PFKP: variants seen among roughly 807,000 people sequenced by gnomAD.
The protein encoded by PFKP is phosphofructokinase, platelet, also known as ATP-dependent 6-phosphofructokinase, platelet type.
Under a neutral mutation model 94.3 loss-of-function variants are expected in PFKP, and 101 were observed. That is an observed-to-expected ratio of 1.07 (90% CI 0.91 to 1.26). The LOEUF is 1.26. Among genes scored for constraint, PFKP ranks in the 50% most tolerant of loss-of-function variants. PFKP has a pLI of 0.00. For synonymous variants in PFKP, 573 were observed against 432.6 expected, an observed-to-expected ratio of 1.32 and a Z score of -4.03; for missense variants, 1,145 against 1,103.3, an observed-to-expected ratio of 1.04 and a Z score of -0.53.
At chr10:3,124,390 C>G (rs1006764066) in intron 16 of PFKP, among the ~76,000 whole-genome samples, 2 of 152,188 alleles carry the variant, frequency 1.3e-5, no homozygotes, top group Admixed American at 6.5e-5. Context: ...TCTGAAAAAC[C>G]CCGGTGTACA....
Position 3,136,431 on chromosome 10 carries a change from T to C in PFKP, c.2226-19T>C, listed in dbSNP as rs1564366781. ...CCAGTGACTGCAGGCCTCACTGCTG[T>C]CTCCTCTTACCTCCACAGGCACAGG... On this transcript the variant is annotated intron_variant, in intron 21 of 21. Transcript: ENST00000381125. 6.2e-7 allele frequency: 1 copy of C among 1,613,100 alleles called. No homozygotes were observed. The highest frequency in any genetic ancestry group is 2.2e-5 in the East Asian group (1 of 44,834).
At chr10:3,108,054 C>T (rs1255213563) in intron 8 of PFKP, 9 of 1,262,422 alleles carry the variant, frequency 7.1e-6, no homozygotes, top group Non-Finnish European at 9.3e-6. Context: ...GTGATGGACA[C>T]CTGGGAAAGA....
rs78014565 is a variant in PFKP, at chr10:3,122,530, A to G, written c.1683+2486A>G. Among the ~76,000 whole-genome samples, 744 of 152,326 alleles carry G rather than the reference A, an allele frequency of 4.9e-3. 35 individuals are homozygous for G. The East Asian group carries it at 0.12, about 24-fold the overall frequency. ...CTGAACTGGGCTCGTCTGGCCATAG[A>G]AGAACATGAGCTGGTGGCGTCCTCA... On this transcript the variant is annotated intron_variant, in intron 16 of 21. Transcript: ENST00000381125.
intron 13 of PFKP, among the ~76,000 whole-genome samples, chr10:3,115,415 T>TCCTGCA (rs1564327374): frequency 1.3e-5 from 1 of 77,382 alleles, no homozygotes; most frequent in Non-Finnish European, 3.4e-5. Context: ...TGAAGGTGTG[T>TCCTGCA]GTCCCGCCAT....
intron 1 of PFKP, among the ~76,000 whole-genome samples, chr10:3,080,035 G>A (rs572609778): frequency 2.0e-5 from 3 of 152,234 alleles, no homozygotes; most frequent in South Asian, 2.1e-4. Context: ...GAGCCGAGGA[G>A]GAGTTGGAGG....
At chr10:3,069,021 G>A (rs1329325563) in intron 1 of PFKP, among the ~76,000 whole-genome samples, 1 of 150,656 alleles carries the variant, frequency 6.6e-6, no homozygotes, top group Non-Finnish European at 1.5e-5. Context: ...GAGGCGCTGT[G>A]GGCGCCGCCC....
rs869281524 is a variant in PFKP, at chr10:3,080,516, C to CAAAAAA, written c.113-1853_113-1848dup. 3.1e-3 allele frequency among the ~76,000 whole-genome samples: 215 copies of CAAAAAA among 68,672 alleles called. 4 individuals carry two copies. The highest frequency in any genetic ancestry group is 0.013 in the African/African-American group (198 of 15,668). 45.1% of individuals were successfully genotyped at this position (68,672 alleles called of 152,430 possible). A position where few individuals can be genotyped will look rare whatever the true frequency, so the allele number is the denominator to read the frequency against. ...TGGGAGACAGAGCGAGACTCCGTCT[C>CAAAAAA]AAAAAAAAAAAAAAAAAAAAAAAAG... On this transcript the variant is annotated intron_variant, in intron 1 of 21. Coordinates refer to ENST00000381125, the MANE Select transcript of PFKP (RefSeq NM_002627.5).
In PFKP at chr10:3,099,404, G is replaced by A. The variant is rs757170120; in HGVS notation, c.264+52G>A. The A allele has an allele frequency of 1.0e-4, 142 of 1,391,036 alleles. No homozygotes were observed. The South Asian group carries it at 1.6e-3, about 15-fold the overall frequency. The allele number at this position is 1,391,036 out of a possible 1,614,324, so 86.2% of individuals were successfully genotyped here. A position where few individuals can be genotyped will look rare whatever the true frequency, so the allele number is the denominator to read the frequency against. On this transcript the variant is annotated intron_variant, in intron 3 of 21. Transcript: ENST00000381125. ...TTCTCTGAGTTAGAGACTCTTTTAT[G>A]TCTAGTAAATTCCCAGAACACTTGA...
chr10:3,091,591 G>A (rs996842891), intron 2 of PFKP, among the ~76,000 whole-genome samples: 1 of 152,138 alleles, frequency 6.6e-6, no homozygotes, highest in Non-Finnish European at 1.5e-5. Context: ...GAGGCGGATG[G>A]ATCCTTTGAG....
intron 5 of PFKP, 114 bp downstream of exon 5, chr10:3,104,058 C>G: frequency 1.1e-6 from 1 of 906,758 alleles, no homozygotes; most frequent in African/African-American, 1.7e-5. Context: ...GTGCTGGTCT[C>G]GTAACTTGAC....
intron 3 of PFKP, chr10:3,100,861 GCAAAAAA>G: frequency 3.2e-6 from 1 of 317,378 alleles, no homozygotes. Context: ...AGTATGTGGT[GCAAAAAA>G]AAAAAAAAAA....
Position 3,085,908 on chromosome 10 carries a change from G to A in PFKP, c.186+3447G>A, listed in dbSNP as rs370195504. On this transcript the variant is annotated intron_variant, in intron 2 of 21. Transcript: ENST00000381125. Reference sequence around the variant, plus strand: ...GAAGTGGCGGTCACCTGCACCTGACGAAGACCAGCTTAGTTTCCGCTGCTG... The same window carrying A: ...GAAGTGGCGGTCACCTGCACCTGACAAAGACCAGCTTAGTTTCCGCTGCTG... Among the ~76,000 whole-genome samples the A allele has an allele frequency of 3.2e-5, 4 of 124,568 alleles. No individual in the cohort carries two copies. The East Asian group carries it at 7.5e-4, about 23-fold the overall frequency. The allele number at this position is 124,568 out of a possible 152,430, so 81.7% of individuals were successfully genotyped here.
chr10:3,099,882 G>T (rs961348391), intron 3 of PFKP, among the ~76,000 whole-genome samples: 1 of 151,620 alleles, frequency 6.6e-6, no homozygotes, highest in Non-Finnish European at 1.5e-5. Flanking sequence ...GTGAATCTCG[G>T]TGTGTGTGTA....
chr10:3,106,061 G>A (rs1422802445), intron 7 of PFKP, among the ~76,000 whole-genome samples: 1 of 152,198 alleles, frequency 6.6e-6, no homozygotes, highest in African/African-American at 2.4e-5. Context: ...GTCCGCTCAC[G>A]CCGTTTTCTC....
chr10:3,084,679 C>T (rs10903956), intron 2 of PFKP, among the ~76,000 whole-genome samples: 67,366 of 140,640 alleles, frequency 0.48, 16,234 homozygotes, highest in Middle Eastern at 0.66. Context: ...GCACAGTAGA[C>T]GCGGTCTCCA....
intron 1 of PFKP, among the ~76,000 whole-genome samples, chr10:3,076,384 C>T (rs1420186811): frequency 6.6e-6 from 1 of 152,012 alleles, no homozygotes; most frequent in Non-Finnish European, 1.5e-5. Context: ...GCCGCCGCGC[C>T]CCCGCCCCAG....
intron 18 of PFKP, among the ~76,000 whole-genome samples, chr10:3,132,645 G>A (rs917352435): frequency 1.3e-5 from 2 of 152,180 alleles, no homozygotes; most frequent in African/African-American, 4.8e-5. Context: ...TTGCTTTATA[G>A]TCTCTTATTC....
rs1012660954 is a variant in PFKP, at chr10:3,125,025, C to T, written c.1684-4794C>T. 3 of 1,123,216 alleles carry T rather than the reference C, an allele frequency of 2.7e-6. No homozygotes were observed. In the African/African-American group the frequency reaches 5.1e-5, roughly 19 times the overall value. 69.6% of individuals were successfully genotyped at this position (1,123,216 alleles called of 1,614,324 possible). On this transcript the variant is annotated intron_variant, in intron 16 of 21. Transcript: ENST00000381125. ...AGTCCCCTCCCGTCCCTTCCTGGAC[C>T]TCAGCACAGGCCCTGGGGCTGGCAG...
chr10:3,087,453 C>T (rs9630129), intron 2 of PFKP, among the ~76,000 whole-genome samples: 69,761 of 152,070 alleles, frequency 0.46, 16,580 homozygotes, highest in Middle Eastern at 0.63. Flanking sequence ...GGGGTTCTGA[C>T]TCTGAGATCT....
Sources: allele counts gnomAD v4.1 joint callset (sites outside exome capture counted in the v4.1 genomes callset), GRCh38; gene constraint gnomAD v4.1.1; transcripts MANE v1.5; gene names NCBI Gene and HGNC (gene_info 2026-07-23, HGNC 2026-07-21).